C16orf96: variants seen among roughly 807,000 people sequenced by gnomAD.
C16orf96 encodes the protein uncharacterized protein C16orf96.
C16orf96 carries 108 observed loss-of-function variants against 103.6 expected under a neutral mutation model. The ratio of observed to expected loss-of-function variants is 1.04; its 90% CI spans 0.89 to 1.22. The LOEUF (loss-of-function observed/expected upper bound fraction) is 1.22. C16orf96 is among the 50% of genes most tolerant of loss of function. The pLI, the probability that C16orf96 is intolerant of heterozygous loss-of-function variation, is 0.00. For synonymous variants in C16orf96, 566 were observed against 593.5 expected, an observed-to-expected ratio of 0.95 and a Z score of 0.67; for missense variants, 1,586 against 1,464.2, an observed-to-expected ratio of 1.08 and a Z score of -1.36.
chr16:4,590,692 G>T (rs1897037024), intron 9 of C16orf96, among the ~76,000 whole-genome samples: 1 of 151,750 alleles, frequency 6.6e-6, no homozygotes, highest in Non-Finnish European at 1.5e-5. Flanking sequence ...AGACCAGCCT[G>T]GCCAATATGG....
intron 4 of C16orf96, 50 bp downstream of exon 4, chr16:4,575,108 G>A (rs1184501965): frequency 6.5e-7 from 1 of 1,549,614 alleles, no homozygotes. Context: ...GAGCAGGCGG[G>A]TGGCTGACTG....
At chr16:4,542,417 T>C in the C16orf96 span, among the ~76,000 whole-genome samples, 1 of 152,082 alleles carries the variant, frequency 6.6e-6, no homozygotes, top group Non-Finnish European at 1.5e-5. Context: ...AGTAACCACA[T>C]TAAAAGTATA....
rs1395122522 is a variant in C16orf96 at position 4,593,323 on chromosome 16, A to G, written c.2867+7A>G. ...TGCAGCGGCAACAGATGAGGTGAGCAGGATGGGCGCCCCGCAGGGAGGCCG... is the reference window on the plus strand; with the variant it reads ...TGCAGCGGCAACAGATGAGGTGAGCGGGATGGGCGCCCCGCAGGGAGGCCG... On this transcript the variant is annotated splice_region_variant and intron_variant, in intron 12 of 15. Transcript: ENST00000444310. The surrounding 1 kb of genome is among the most constrained non-coding windows in gnomAD (Gnocchi z 4.2). 1.9e-6 allele frequency: 3 copies of G among 1,550,070 alleles called. No homozygotes were observed. The highest frequency in any genetic ancestry group is 2.4e-5 in the East Asian group (1 of 40,864).
At chr16:4,544,920 C>T in the C16orf96 span, among the ~76,000 whole-genome samples, 1 of 152,118 alleles carries the variant, frequency 6.6e-6, no homozygotes, top group Non-Finnish European at 1.5e-5. Flanking sequence ...AAAGATTGAA[C>T]GTAGAGCCAC....
chr16:4,552,341 G>C (rs2059233217), upstream of C16orf96, among the ~76,000 whole-genome samples: 1 of 151,962 alleles, frequency 6.6e-6, no homozygotes, highest in Non-Finnish European at 1.5e-5. Context: ...AATTAGCCTG[G>C]CATGGTAGCA....
intron 7 of C16orf96, among the ~76,000 whole-genome samples, chr16:4,583,846 G>A (rs1339418045): frequency 6.9e-6 from 1 of 144,594 alleles, no homozygotes; most frequent in Non-Finnish European, 1.5e-5. Flanking sequence ...AATTGCTTCA[G>A]CTCAGGAGGC....
intron 15 of C16orf96, 132 bp from the exon 16 acceptor site, chr16:4,599,968 C>A (rs1463222966): frequency 1.1e-6 from 1 of 937,968 alleles, no homozygotes; most frequent in Non-Finnish European, 1.6e-6. Context: ...GTATGGTGCC[C>A]AGCCGGCCAT....
chr16:4,560,304 C>G (rs1376048373), intron 1 of C16orf96: 1 of 152,146 alleles, frequency 6.6e-6, no homozygotes, highest in Non-Finnish European at 1.5e-5. Context: ...CAGGTTCAAG[C>G]AGTTCTTCTG....
At chr16:4,591,594 C>A in intron 9 of C16orf96, 72 bp from the exon 10 acceptor site, 1 of 1,265,982 alleles carries the variant, frequency 7.9e-7, no homozygotes, top group South Asian at 1.3e-5. Flanking sequence ...GTTGCTGCAA[C>A]CCTCTTCTGG....
chr16:4,575,033 G>T lies in C16orf96; in HGVS notation c.668G>T (p.Gly223Val). 3 of 1,551,514 alleles carry T rather than the reference G, an allele frequency of 1.9e-6. No homozygotes were observed. The highest frequency in any genetic ancestry group is 2.6e-6 in the Non-Finnish European group (3 of 1,147,012). The change falls in exon 4 of 16, where the codon GGC becomes GTC. Residue 223 changes from glycine to valine, a missense_variant. Gly to Val is a moderately radical substitution (Grantham distance 109, BLOSUM62 -3). Transcript: ENST00000444310. The stretch of plus-strand genomic sequence containing the variant: ...ACCGAGGACATGGTGCTCTGGAGTG[G>T]CCTTCATGATGCCATGTTCACCTCA... ...PKTEDMVLWS[G>V]LHDAMFTSEI...
In C16orf96 at chr16:4,594,797, C is replaced by T. The variant is rs1289006435; in HGVS notation, c.3121C>T (p.Leu1041=). The part of the protein sequence containing the change: ...GAQPLAVAKE[L]AAVKAPSPPS... ...TCAGCCCTTGGCCGTCGCAAAGGAG[C>T]TGGCAGGTGAGGGGCGTAGGGCTCC... Residue 1041 remains leucine (L), a synonymous_variant, in exon 14 of 16, where the codon CTG becomes TTG. Coordinates refer to ENST00000444310, the MANE Select transcript of C16orf96 (RefSeq NM_001145011.2). 24 of 1,550,186 alleles carry T rather than the reference C, an allele frequency of 1.5e-5. No homozygotes were observed. The highest frequency in any genetic ancestry group is 3.9e-5 in the Admixed American group (2 of 50,968).
In C16orf96 at chr16:4,575,599, G is replaced by C. The variant is rs1408397208; in HGVS notation, c.1119G>C (p.Val373=). ...LPAPWPVLGP[V]PAPGAQPPPL... Reference sequence around the variant, plus strand: ...CACCTTGGCCTGTGCTTGGACCTGTGCCTGCCCCAGGTGCCCAGCCTCCAC... The same window carrying C: ...CACCTTGGCCTGTGCTTGGACCTGTCCCTGCCCCAGGTGCCCAGCCTCCAC... Residue 373 remains valine (V), a synonymous_variant, in exon 5 of 16, where the codon GTG becomes GTC. Coordinates refer to ENST00000444310, the MANE Select transcript of C16orf96 (RefSeq NM_001145011.2). 5.3e-6 allele frequency: 8 copies of C among 1,512,944 alleles called. No homozygotes were observed. Among genetic ancestry groups the C allele is most frequent in the Non-Finnish European group, 7.1e-6 (8 of 1,130,654 alleles). The allele number at this position is 1,512,944 out of a possible 1,614,324, so 93.7% of individuals were successfully genotyped here. A position where few individuals can be genotyped will look rare whatever the true frequency, so the allele number is the denominator to read the frequency against.
chr16:4,541,890 T>A, the C16orf96 span, among the ~76,000 whole-genome samples: 7 of 152,240 alleles, frequency 4.6e-5, no homozygotes, highest in Non-Finnish European at 1.0e-4. Flanking sequence ...AAAAATGTTG[T>A]GTCCACAGGC....
At chr16:4,562,005 C>T (rs1205609296) in intron 1 of C16orf96, among the ~76,000 whole-genome samples, 3 of 152,044 alleles carry the variant, frequency 2.0e-5, no homozygotes, top group African/African-American at 7.2e-5. Context: ...ATTGTGGGTC[C>T]AAGGCTTAGG....
intron 5 of C16orf96, among the ~76,000 whole-genome samples, chr16:4,578,387 C>T (rs1022066983): frequency 1.3e-5 from 2 of 152,130 alleles, no homozygotes. Flanking sequence ...AGGTGATCCA[C>T]CTGCCTCGGC....
chr16:4,539,497 A>G, the C16orf96 span, among the ~76,000 whole-genome samples: 1 of 152,212 alleles, frequency 6.6e-6, no homozygotes, highest in Non-Finnish European at 1.5e-5. Flanking sequence ...CAGCCTGGCC[A>G]ACATGGTGAA....
upstream of C16orf96, among the ~76,000 whole-genome samples, chr16:4,553,832 G>T (rs538449173): frequency 6.6e-6 from 1 of 152,110 alleles, no homozygotes; most frequent in Admixed American, 6.6e-5. Flanking sequence ...ATTTCTAGCC[G>T]CCATGTTTTA....
At chr16:4,553,594 C>T (rs2059240378), upstream of C16orf96, among the ~76,000 whole-genome samples, 1 of 152,086 alleles carries the variant, frequency 6.6e-6, no homozygotes, top group African/African-American at 2.4e-5. Context: ...CTGCCTGCCT[C>T]AGCCTCTTGA....
chr16:4,569,593 G>A (rs562798181), intron 1 of C16orf96, among the ~76,000 whole-genome samples: 5 of 151,650 alleles, frequency 3.3e-5, no homozygotes, highest in East Asian at 2.0e-4. Flanking sequence ...TTAGCAGGGC[G>A]TGGTGGTGTG....
Sources: gnomAD v4.1 joint callset for allele counts (sites outside exome capture counted in the v4.1 genomes callset) on GRCh38, gnomAD v4.1.1 for gene constraint, Gnocchi (gnomAD v3.1) non-coding constraint, MANE v1.5 for transcripts, NCBI Gene and HGNC (gene_info 2026-07-23, HGNC 2026-07-21) for gene names.